The following DCDC2C variants were observed in gnomAD, a reference collection of about 807,000 sequenced individuals.
The protein encoded by DCDC2C is doublecortin domain-containing protein 2C.
Under a neutral mutation model 45.0 loss-of-function variants are expected in DCDC2C, and 44 were observed. The ratio of observed to expected loss-of-function variants is 0.98; its 90% CI spans 0.77 to 1.26. The LOEUF (loss-of-function observed/expected upper bound fraction) is 1.26. Ranked by LOEUF, DCDC2C falls within the 50% of genes most tolerant of loss-of-function variation. DCDC2C has a pLI of 0.00. For missense variants in DCDC2C, 447 were observed against 468.9 expected (o/e 0.95, Z 0.43); for synonymous variants, 187 against 178.8 (o/e 1.05, Z -0.37).
In DCDC2C at chr2:3,761,272, A is replaced by G. The variant is rs893541159; in HGVS notation, c.727-6482A>G. On this transcript the variant is annotated intron_variant, in intron 6 of 10. Coordinates refer to ENST00000399143, the MANE Select transcript of DCDC2C (RefSeq NM_001287444.2). This position sits in a 1 kb window ranked among gnomAD's most constrained non-coding sequence, Gnocchi z 4.3. ...TTAATAAGCATTGTATTTATATCAC[A>G]TCTGCAATCAGAACATTAATATTAA... is the stretch of plus-strand genomic sequence containing the variant. Among the ~76,000 whole-genome samples the G allele has an allele frequency of 6.6e-6, 1 of 152,260 alleles. No homozygotes were observed. The highest frequency in any genetic ancestry group is 1.5e-5 in the Non-Finnish European group (1 of 68,046).
At chr2:3,718,826 CG>C (rs1214224822) in intron 2 of DCDC2C, among the ~76,000 whole-genome samples, 1 of 152,118 alleles carries the variant, frequency 6.6e-6, no homozygotes, top group Non-Finnish European at 1.5e-5. Context: ...AAAGGTGGCA[CG>C]GACCCAAAGA....
At chr2:3,768,177 G>A (rs4849927) in intron 7 of DCDC2C, among the ~76,000 whole-genome samples, 107,286 of 151,904 alleles carry the variant, frequency 0.71, 38,092 homozygotes, top group South Asian at 0.81. Flanking sequence ...GACTGATGAC[G>A]TAGAAAACAA....
intron 2 of DCDC2C, among the ~76,000 whole-genome samples, chr2:3,724,118 A>G (rs1017343796): frequency 1.3e-5 from 2 of 152,204 alleles, no homozygotes; most frequent in Non-Finnish European, 2.9e-5. Flanking sequence ...TCTGTAACGC[A>G]CGATGAGATC....
rs148409810 is a variant in DCDC2C at position 3,735,567 on chromosome 2, G to A, written c.417-6353G>A. Among the ~76,000 whole-genome samples the A allele has an allele frequency of 5.5e-3, 842 of 152,208 alleles. 7 individuals carry two copies. Among genetic ancestry groups the A allele is most frequent in the African/African-American group, 0.019 (787 of 41,510 alleles). ...GTTGAGTTTCCTGGGAATTTTACCC[G>A]CATCAGATTTGCACTTAGGGTGTGT... is the stretch of plus-strand genomic sequence containing the variant. On this transcript the variant is annotated intron_variant, in intron 3 of 10. Coordinates refer to ENST00000399143, the MANE Select transcript of DCDC2C (RefSeq NM_001287444.2).
intron 4 of DCDC2C, among the ~76,000 whole-genome samples, chr2:3,748,344 G>C (rs1269457127): frequency 6.9e-6 from 1 of 145,302 alleles, no homozygotes; most frequent in Non-Finnish European, 1.5e-5. Flanking sequence ...ATGTAGGAAT[G>C]AGTGAGCGAG....
intron 2 of DCDC2C, among the ~76,000 whole-genome samples, chr2:3,723,095 A>G (rs1668541384): frequency 6.6e-6 from 1 of 152,156 alleles, no homozygotes. Flanking sequence ...TCAGAGCATC[A>G]GAGCTGTTTT....
chr2:3,717,463 C>A (rs1668378775), intron 2 of DCDC2C, among the ~76,000 whole-genome samples: 1 of 145,212 alleles, frequency 6.9e-6, no homozygotes. Context: ...TCCCTCCCTG[C>A]CCACCCATCC....
chr2:3,806,628 C>T (rs1017483750), intron 10 of DCDC2C, among the ~76,000 whole-genome samples: 1 of 151,744 alleles, frequency 6.6e-6, no homozygotes, highest in African/African-American at 2.4e-5. Context: ...CTGCAACCTC[C>T]GCCTCCTGGG....
At chr2:3,807,626 G>C (rs761694794) in intron 10 of DCDC2C, among the ~76,000 whole-genome samples, 15 of 151,726 alleles carry the variant, frequency 9.9e-5, no homozygotes, top group Non-Finnish European at 1.8e-4. Flanking sequence ...TCGGTGTCCA[G>C]TTCCAGGAGT....
intron 4 of DCDC2C, among the ~76,000 whole-genome samples, chr2:3,742,932 C>G (rs1482632364): frequency 6.6e-6 from 1 of 152,224 alleles, no homozygotes; most frequent in Non-Finnish European, 1.5e-5. Context: ...CACAGTGGTG[C>G]TAGTCATGAT....
At chr2:3,725,983 G>A (rs1360818816) in intron 2 of DCDC2C, 2 of 156,058 alleles carry the variant, frequency 1.3e-5, no homozygotes, top group East Asian at 1.9e-4. Context: ...GTGACAGAGC[G>A]GGACCCTGGC....
intron 10 of DCDC2C, among the ~76,000 whole-genome samples, chr2:3,825,352 C>G (rs1233611852): frequency 6.6e-6 from 1 of 152,176 alleles, no homozygotes; most frequent in Non-Finnish European, 1.5e-5. Flanking sequence ...AGGCTCGAAT[C>G]CTGTGCCTTC....
chr2:3,705,193 A>G (rs994783258), intron 1 of DCDC2C, among the ~76,000 whole-genome samples: 7 of 152,192 alleles, frequency 4.6e-5, no homozygotes, highest in African/African-American at 1.7e-4. Flanking sequence ...TATGGTTCCA[A>G]ATTCTTAGTG....
chr2:3,833,034 T>C (rs975981603), intron 10 of DCDC2C, among the ~76,000 whole-genome samples: 2 of 152,346 alleles, frequency 1.3e-5, no homozygotes, highest in Admixed American at 6.5e-5. Context: ...AGAATCTGTT[T>C]CTTTGCCTTT....
chr2:3,753,268 C>CT (rs1355928453), intron 5 of DCDC2C, among the ~76,000 whole-genome samples: 1 of 152,292 alleles, frequency 6.6e-6, no homozygotes, highest in Admixed American at 6.5e-5. Context: ...CATGCTTCCC[C>CT]ATATCTAAAA....
chr2:3,814,957 A>G (rs1671516599), intron 10 of DCDC2C, among the ~76,000 whole-genome samples: 1 of 152,258 alleles, frequency 6.6e-6, no homozygotes, highest in Non-Finnish European at 1.5e-5. Context: ...CCCAGGGAGC[A>G]TAGCGTGTTA....
At chr2:3,841,758 G>C (rs1572654782) in intron 10 of DCDC2C, among the ~76,000 whole-genome samples, 1 of 88,592 alleles carries the variant, frequency 1.1e-5, no homozygotes, top group Admixed American at 1.1e-4. Flanking sequence ...GGGATTAGCA[G>C]AGAGTCGCTT....
rs768246750 is a variant in DCDC2C at position 3,839,000 on chromosome 2, AAAATT to A, written c.1066-8152_1066-8148del. Among the ~76,000 whole-genome samples, 3 of 152,320 alleles carry A rather than the reference AAAATT, an allele frequency of 2.0e-5. No individual in the cohort carries two copies. In the South Asian group the frequency reaches 6.2e-4, roughly 32 times the overall value. On this transcript the variant is annotated intron_variant, in intron 10 of 10. Coordinates refer to ENST00000399143, the MANE Select transcript of DCDC2C (RefSeq NM_001287444.2). Reference sequence around the variant, plus strand: ...ATGAGCATGTTTGAATACAGAAAATAAAATTATTTTTATATTTTAAGAATAAAAAA... The same window carrying A: ...ATGAGCATGTTTGAATACAGAAAATAATTTTTATATTTTAAGAATAAAAAA...
chr2:3,756,187 T>C (rs977820927), intron 6 of DCDC2C, among the ~76,000 whole-genome samples: 1 of 152,176 alleles, frequency 6.6e-6, no homozygotes, highest in Non-Finnish European at 1.5e-5. Context: ...TTGCAGAAGC[T>C]GGGTCCTAGA....
Sources: allele counts gnomAD v4.1 joint callset (sites outside exome capture counted in the v4.1 genomes callset), GRCh38; gene constraint gnomAD v4.1.1; non-coding constraint Gnocchi (gnomAD v3.1); transcripts MANE v1.5; gene names NCBI Gene and HGNC (gene_info 2026-07-23, HGNC 2026-07-21).